Variants in CYP2C19 observed in about 807,000 individuals in gnomAD.
The protein encoded by CYP2C19 is cytochrome P450 2C19.
Under a neutral mutation model 40.9 loss-of-function variants are expected in CYP2C19, and 59 were observed. The observed-to-expected ratio is 1.44, with a 90% confidence interval of 1.17 to 1.79. The LOEUF (loss-of-function observed/expected upper bound fraction) is 1.79. CYP2C19 is among the 40% of genes most tolerant of loss of function. The pLI is 0.00. For missense variants in CYP2C19, 754 were observed against 596.9 expected (o/e 1.26, Z -2.74); for synonymous variants, 253 against 208.7 (o/e 1.21, Z -1.83).
At chr10:94,846,475 G>A (rs990734763) in intron 7 of CYP2C19, among the ~76,000 whole-genome samples, 4 of 152,084 alleles carry the variant, frequency 2.6e-5, no homozygotes, top group Admixed American at 6.6e-5. Flanking sequence ...AAGGAGTTCT[G>A]CTTTTATGTG....
chr10:94,846,672 CTATT>C (rs543613017), intron 7 of CYP2C19, among the ~76,000 whole-genome samples: 14 of 151,730 alleles, frequency 9.2e-5, no homozygotes, highest in African/African-American at 2.9e-4. Context: ...CTATTAGAAT[CTATT>C]TATTTATTTA....
chr10:94,847,503 G>A (rs929435178), intron 7 of CYP2C19, among the ~76,000 whole-genome samples: 11 of 152,172 alleles, frequency 7.2e-5, no homozygotes, highest in African/African-American at 2.7e-4. Context: ...TTGATTCCAA[G>A]TCGTTGCTAT....
chr10:94,837,343 G>T (rs1190657756), intron 6 of CYP2C19, among the ~76,000 whole-genome samples: 1 of 152,134 alleles, frequency 6.6e-6, no homozygotes, highest in Non-Finnish European at 1.5e-5. Context: ...GGGAAAGGAG[G>T]TGGAGTCCTT....
rs747911797 is a variant in CYP2C19, at chr10:94,762,835, C to T, written c.130C>T (p.Gln44Ter). The change falls in exon 1 of 9, where the codon CAG becomes TAG. Residue 44 changes from glutamine to a stop codon, truncating the protein, a stop_gained. Transcript: ENST00000371321. LOFTEE classifies it high-confidence loss of function. ...TPLPVIGNIL[Q>*]IDIKDVSKSL... Reference sequence around the variant, plus strand: ...TCTCCCAGTGATTGGAAATATCCTACAGATAGATATTAAGGATGTCAGCAA... The same window carrying T: ...TCTCCCAGTGATTGGAAATATCCTATAGATAGATATTAAGGATGTCAGCAA... 1 of 1,613,718 alleles carries T rather than the reference C, an allele frequency of 6.2e-7. No homozygotes were observed. The highest frequency in any genetic ancestry group is 1.3e-5 in the African/African-American group (1 of 74,914).
At chr10:94,845,803 T>C (rs1429084949) in intron 7 of CYP2C19, among the ~76,000 whole-genome samples, 1 of 152,102 alleles carries the variant, frequency 6.6e-6, no homozygotes, top group Non-Finnish European at 1.5e-5. Context: ...AACAAAATTG[T>C]AGACTATTTA....
At chr10:94,818,319 A>G (rs1680573690) in intron 5 of CYP2C19, among the ~76,000 whole-genome samples, 2 of 150,740 alleles carry the variant, frequency 1.3e-5, no homozygotes, top group Non-Finnish European at 1.5e-5. Flanking sequence ...GAAGTCAGGT[A>G]GTGTGATGCC....
intron 8 of CYP2C19, among the ~76,000 whole-genome samples, chr10:94,852,279 C>A (rs1294704245): frequency 6.6e-6 from 1 of 152,228 alleles, no homozygotes. Context: ...TCTGAAAATA[C>A]TTAGCGGGAA....
intron 1 of CYP2C19, among the ~76,000 whole-genome samples, chr10:94,763,243 G>A (rs894688699): frequency 6.6e-6 from 1 of 152,092 alleles, no homozygotes; most frequent in Non-Finnish European, 1.5e-5. Flanking sequence ...TATTAGCCAT[G>A]TGTTTTATTC....
intron 6 of CYP2C19, among the ~76,000 whole-genome samples, chr10:94,828,603 T>C (rs2134275632): frequency 6.7e-6 from 1 of 149,654 alleles, no homozygotes. Context: ...CTGATGGGTC[T>C]TGACTCTTTA....
chr10:94,836,265 G>T (rs1849401668), intron 6 of CYP2C19, among the ~76,000 whole-genome samples: 1 of 152,210 alleles, frequency 6.6e-6, no homozygotes, highest in South Asian at 2.1e-4. Context: ...TACTAAGCCT[G>T]CTACTGCTGC....
intron 7 of CYP2C19, among the ~76,000 whole-genome samples, chr10:94,847,795 T>C (rs966178309): frequency 3.0e-4 from 46 of 152,208 alleles, no homozygotes; most frequent in Non-Finnish European, 2.1e-4. Flanking sequence ...TGGTATCTCA[T>C]TGTGGTTGTG....
chr10:94,790,137 T>A (rs562849236), intron 5 of CYP2C19, among the ~76,000 whole-genome samples: 2 of 152,260 alleles, frequency 1.3e-5, no homozygotes, highest in South Asian at 4.1e-4. Context: ...ATGATTTGGC[T>A]CTCTGTTTAT....
intron 5 of CYP2C19, among the ~76,000 whole-genome samples, chr10:94,803,263 C>G (rs1009284550): frequency 1.3e-5 from 2 of 152,156 alleles, no homozygotes; most frequent in African/African-American, 4.8e-5. Context: ...CTTTTTCCCT[C>G]TCCCTTCCAA....
chr10:94,780,343 G>A (rs916760358), intron 3 of CYP2C19, among the ~76,000 whole-genome samples, 156 bp from the exon 4 acceptor site: 14 of 152,144 alleles, frequency 9.2e-5, no homozygotes, highest in Non-Finnish European at 1.8e-4. Context: ...AAAGTGATGT[G>A]TTGATTTTAT....
intron 5 of CYP2C19, among the ~76,000 whole-genome samples, chr10:94,795,234 A>G (rs1848665869): frequency 1.5e-5 from 2 of 137,564 alleles, no homozygotes; most frequent in South Asian, 2.3e-4. Flanking sequence ...ATTCCCACCT[A>G]TGAGTGAGAA....
intron 6 of CYP2C19, among the ~76,000 whole-genome samples, chr10:94,828,189 C>T (rs1849262940): frequency 6.6e-6 from 1 of 152,106 alleles, no homozygotes; most frequent in African/African-American, 2.4e-5. Flanking sequence ...CCGCTTGGTG[C>T]AGACCTGAGT....
intron 6 of CYP2C19, among the ~76,000 whole-genome samples, chr10:94,836,365 C>T (rs1263494282): frequency 6.6e-6 from 1 of 152,172 alleles, no homozygotes; most frequent in Admixed American, 6.5e-5. Flanking sequence ...ATCCCTTGGA[C>T]CTGTGTAAGG....
At chr10:94,838,556 C>T (rs1294364303) in intron 6 of CYP2C19, among the ~76,000 whole-genome samples, 3 of 152,114 alleles carry the variant, frequency 2.0e-5, no homozygotes, top group Non-Finnish European at 2.9e-5. Context: ...AATTCTCCTC[C>T]TCCCTCTGCT....
At chr10:94,818,267 G>T (rs1008355665) in intron 5 of CYP2C19, among the ~76,000 whole-genome samples, 1 of 147,296 alleles carries the variant, frequency 6.8e-6, no homozygotes, top group Non-Finnish European at 1.5e-5. Flanking sequence ...TTTGGTACCA[G>T]TACCATGCTG....
Sources: allele counts gnomAD v4.1 joint callset (sites outside exome capture counted in the v4.1 genomes callset), GRCh38; gene constraint gnomAD v4.1.1; transcripts MANE v1.5; gene names NCBI Gene and HGNC (gene_info 2026-07-23, HGNC 2026-07-21).